Variants in SIGIRR observed in about 807,000 individuals in gnomAD.
SIGIRR encodes the protein single Ig and TIR domain containing.
In SIGIRR, 41 loss-of-function variants were observed where a neutral mutation model predicts 45.6. That is an observed-to-expected ratio of 0.90 (90% CI 0.70 to 1.17). The LOEUF is 1.17. Ranked by LOEUF, SIGIRR falls within the 50% of genes most tolerant of loss-of-function variation. The pLI is 0.00. For missense variants in SIGIRR, 599 were observed against 539.6 expected, an observed-to-expected ratio of 1.11 and a Z score of -1.09; for synonymous variants, 298 against 239.0, an observed-to-expected ratio of 1.25 and a Z score of -2.28.
chr11:414,809 GGGAA>G lies in SIGIRR; in HGVS notation c.-154+10_-154+13del. ...TGACACAGGCTCACTCAGAGCAGCGGGGAAGGCAGTCACCTGGTTCCAGTTCTTT... is the reference window on the plus strand; with the variant it reads ...TGACACAGGCTCACTCAGAGCAGCGGGGCAGTCACCTGGTTCCAGTTCTTT... On this transcript the variant is annotated intron_variant, in intron 1 of 9. Transcript: ENST00000431843. The G allele has an allele frequency of 1.0e-6, 1 of 985,558 alleles. No individual in the cohort carries two copies. The highest frequency in any genetic ancestry group is 1.2e-6 in the Non-Finnish European group (1 of 830,034). The allele number at this position is 985,558 out of a possible 1,614,324, so 61.1% of individuals were successfully genotyped here.
Position 406,003 on chromosome 11 carries a change from A to T in SIGIRR, c.1126T>A (p.Ser376Thr). Reference sequence around the variant, plus strand: ...TCGCTGCTCCGGCTCTCTCCCAGCGAGACCCCACTGGTGTGCGGTGGAGCT... The same window carrying T: ...TCGCTGCTCCGGCTCTCTCCCAGCGTGACCCCACTGGTGTGCGGTGGAGCT... ...PSAPPHTSGV[S>T]LGESRSSEVD... Residue 376 changes from serine (S) to threonine (T), a missense_variant, in exon 10 of 10, where the codon TCG becomes ACG. Physicochemically the swap from Ser to Thr is moderately conservative, Grantham distance 58. Transcript: ENST00000431843. The T allele has an allele frequency of 6.2e-7, 1 of 1,611,018 alleles. No individual in the cohort carries two copies. Among genetic ancestry groups the T allele is most frequent in the South Asian group, 1.1e-5 (1 of 90,756 alleles).
In SIGIRR at chr11:407,548, A is replaced by C. The variant is rs1045992661; in HGVS notation, c.502T>G (p.Tyr168Asp). The C allele has an allele frequency of 6.2e-7, 1 of 1,609,148 alleles. No individual in the cohort carries two copies. The highest frequency in any genetic ancestry group is 1.3e-5 in the African/African-American group (1 of 74,796). Reference sequence around the variant, plus strand: ...TCGGGGCAGTCGCTGTAGGAGACGTAGGCGTCGTAGAGCTTCCCGTCTGCG... The same window carrying C: ...TCGGGGCAGTCGCTGTAGGAGACGTCGGCGTCGTAGAGCTTCCCGTCTGCG... ...EINDGKLYDA[Y>D]VSYSDCPEDR... Residue 168 changes from tyrosine to aspartate, a missense_variant, in exon 6 of 10, where the codon TAC (tyrosine) becomes GAC (aspartate). Transcript: ENST00000431843.
intron 9 of SIGIRR, 110 bp from the exon 10 acceptor site, chr11:406,169 AG>A: frequency 3.3e-6 from 5 of 1,537,808 alleles, no homozygotes; most frequent in Non-Finnish European, 4.4e-6. Flanking sequence ...TGTGAGGCCC[AG>A]GAAGTTCCCA....
At chr11:413,725 C>G (rs1175226619) in intron 1 of SIGIRR, among the ~76,000 whole-genome samples, 9 of 145,812 alleles carry the variant, frequency 6.2e-5, no homozygotes, top group Non-Finnish European at 1.5e-5. Context: ...TCTTCCCGCA[C>G]CCTCTCCCCT....
In SIGIRR at chr11:405,921, C is replaced by T. The variant is rs1163835020; in HGVS notation, c.1208G>A (p.Cys403Tyr). 1.2e-6 allele frequency: 2 copies of T among 1,606,138 alleles called. No homozygotes were observed. Among genetic ancestry groups the T allele is most frequent in the Non-Finnish European group, 1.7e-6 (2 of 1,175,142 alleles). The change falls in exon 10 of 10, where the codon TGC (cysteine) becomes TAC (tyrosine). Residue 403 changes from cysteine to tyrosine, a missense_variant. Physicochemically the swap from Cys to Tyr is radical, Grantham distance 194. Transcript: ENST00000431843. ...CTACATATCATCCTTGGACACCAGG[C>T]AGTAGAAGTCTGTGCGGGCACTGTA... ...RNYSARTDFY[C>Y]LVSKDDM
chr11:407,107 A>G lies in SIGIRR; in HGVS notation c.683T>C (p.Leu228Pro). ...LSRCRRLIVV[L>P]SDAFLSRAWC... ...GGCCCGGCTCAGGAAGGCGTCCGAA[A>G]GCACCACGATGAGGCGTCGGCAGCG... The change falls in exon 7 of 10, where the codon CTT becomes CCT. Residue 228 changes from leucine (L) to proline (P), a missense_variant. Transcript: ENST00000431843. The G allele has an allele frequency of 6.5e-7, 1 of 1,532,172 alleles. No homozygotes were observed. The highest frequency in any genetic ancestry group is 2.6e-5 in the East Asian group (1 of 38,750). The allele number at this position is 1,532,172 out of a possible 1,614,324, so 94.9% of individuals were successfully genotyped here.
chr11:407,791 C>G, intron 5 of SIGIRR, 26 bp downstream of exon 5: 2 of 1,611,740 alleles, frequency 1.2e-6, no homozygotes, highest in Non-Finnish European at 1.7e-6. Flanking sequence ...GCGACCCCTC[C>G]TCGCGCCCAC....
intron 1 of SIGIRR, among the ~76,000 whole-genome samples, chr11:414,425 A>T (rs1318107500): frequency 6.9e-6 from 1 of 144,206 alleles, no homozygotes; most frequent in African/African-American, 2.6e-5. Context: ...CCCTGCACAC[A>T]TCACATACAC....
Position 406,955 on chromosome 11 carries a change from G to A in SIGIRR, c.767C>T (p.Pro256Leu), listed in dbSNP as rs1238877208. ...LCRLLELTRRPIFITFEGQRR... is the reference protein window; with the variant it reads ...LCRLLELTRRLIFITFEGQRR... Reference sequence around the variant, plus strand: ...CTGGCCCTCGAAGGTGATGAAGATGGGTCTGCGGGTGAGCTCCAGCAGCCG... The same window carrying A: ...CTGGCCCTCGAAGGTGATGAAGATGAGTCTGCGGGTGAGCTCCAGCAGCCG... Residue 256 changes from proline (P) to leucine (L), a missense_variant, in exon 8 of 10, where the codon CCC becomes CTC. Pro to Leu is a moderately conservative substitution (Grantham distance 98, BLOSUM62 -3). Coordinates refer to ENST00000431843, the MANE Select transcript of SIGIRR (RefSeq NM_001135054.2). The A allele has an allele frequency of 3.1e-6, 5 of 1,601,862 alleles. No individual in the cohort carries two copies. The highest frequency in any genetic ancestry group is 4.5e-5 in the East Asian group (2 of 44,580).
intron 9 of SIGIRR, 65 bp downstream of exon 9, chr11:406,284 T>A: frequency 6.4e-7 from 1 of 1,572,378 alleles, no homozygotes; most frequent in East Asian, 2.4e-5. Flanking sequence ...CTGTGCCCTG[T>A]GCCTGCCCCC....
chr11:408,048 C>T, intron 4 of SIGIRR, 25 bp downstream of exon 4: 2 of 1,612,290 alleles, frequency 1.2e-6, no homozygotes, highest in African/African-American at 1.3e-5. Flanking sequence ...CCCTTCTACC[C>T]TCCACCTTGG....
At chr11:411,436 G>T (rs1847617255) in intron 1 of SIGIRR, among the ~76,000 whole-genome samples, 1 of 13,166 alleles carries the variant, frequency 7.6e-5, no homozygotes, top group African/African-American at 4.1e-4. Flanking sequence ...AGTCGGGGAG[G>T]GGGGTGCCCA....
At chr11:406,639 C>T in intron 8 of SIGIRR, 101 bp from the exon 9 acceptor site, 4 of 1,453,314 alleles carry the variant, frequency 2.8e-6, no homozygotes, top group Non-Finnish European at 3.6e-6. Flanking sequence ...GGGTTCCACG[C>T]CCTGCGACAG....
In SIGIRR at chr11:406,520, A is replaced by C. The variant is rs760552436; in HGVS notation, c.898T>G (p.Trp300Gly). The change falls in exon 9 of 10, where the codon TGG becomes GGG. Residue 300 changes from tryptophan (W) to glycine (G), a missense_variant. Physicochemically the swap from Trp to Gly is radical, Grantham distance 184. Coordinates refer to ENST00000431843, the MANE Select transcript of SIGIRR (RefSeq NM_001135054.2). ...GGCAGCGCCAGCTGCACTTCTTTCC[A>C]AAAATCGGAGGAAGGAGTCTGGGGG... ...PGSVTPSSDF[W>G]KEVQLALPRK... 6.2e-7 allele frequency: 1 copy of C among 1,609,294 alleles called. No individual in the cohort carries two copies.
chr11:413,901 C>G (rs1847791845), intron 1 of SIGIRR, among the ~76,000 whole-genome samples: 1 of 137,302 alleles, frequency 7.3e-6, no homozygotes, highest in South Asian at 2.5e-4. Context: ...CCCACCTTCC[C>G]CTGCACCCTC....
At chr11:413,381 C>T (rs1187585849) in intron 1 of SIGIRR, among the ~76,000 whole-genome samples, 3 of 151,962 alleles carry the variant, frequency 2.0e-5, no homozygotes, top group Non-Finnish European at 1.5e-5. Flanking sequence ...AAGTCCTTGA[C>T]CCAGGGGAAC....
At chr11:407,395 G>C in intron 6 of SIGIRR, 30 bp downstream of exon 6, 1 of 1,498,100 alleles carries the variant, frequency 6.7e-7, no homozygotes. Flanking sequence ...CCCTCCGGGT[G>C]GGCGGGGCAC....
At position 406,228 on chromosome 11, in the gene SIGIRR, TCCC is replaced by T. The variant is rs750834036; in HGVS notation, c.1069+118_1069+120del. ...TCCAGGGCAGAGGCCGTGCAGGGGCTCCCGGTGCCGGGAAGAGTCCTCAACACC... is the reference window on the plus strand; with the variant it reads ...TCCAGGGCAGAGGCCGTGCAGGGGCTGGTGCCGGGAAGAGTCCTCAACACC... On this transcript the variant is annotated intron_variant, in intron 9 of 9. Coordinates refer to ENST00000431843, the MANE Select transcript of SIGIRR (RefSeq NM_001135054.2). 56 of 1,540,636 alleles carry T rather than the reference TCCC, an allele frequency of 3.6e-5. No individual in the cohort carries two copies. In the East Asian group the frequency reaches 5.1e-4, roughly 14 times the overall value.
intron 2 of SIGIRR, 190 bp from the exon 3 acceptor site, chr11:409,083 G>C (rs1847478625): frequency 1.6e-6 from 1 of 625,230 alleles, no homozygotes. Context: ...CAGGCTTTGG[G>C]TGTTCCGCCC....
Sources: allele counts gnomAD v4.1 joint callset (sites outside exome capture counted in the v4.1 genomes callset), GRCh38; gene constraint gnomAD v4.1.1; transcripts MANE v1.5; gene names NCBI Gene and HGNC (gene_info 2026-07-23, HGNC 2026-07-21).